The following ATP10B variants were observed in gnomAD, a reference collection of about 807,000 sequenced individuals.
ATP10B encodes the protein phospholipid-transporting ATPase VB.
Under a neutral mutation model 141.2 loss-of-function variants are expected in ATP10B, and 122 were observed. The observed-to-expected ratio is 0.86, with a 90% confidence interval of 0.75 to 1.00. The LOEUF is 1.00. ATP10B is among the 50% of genes least tolerant of loss of function. The pLI is 0.00. For synonymous variants in ATP10B, 685 were observed against 692.0 expected, an observed-to-expected ratio of 0.99 and a Z score of 0.16; for missense variants, 1,876 against 1,825.3, an observed-to-expected ratio of 1.03 and a Z score of -0.51.
the ATP10B span, among the ~76,000 whole-genome samples, chr5:160,861,477 G>A: frequency 7.2e-5 from 11 of 151,844 alleles, no homozygotes; most frequent in Non-Finnish European, 1.6e-4. Context: ...AATTTAAATA[G>A]ATACTTTATA....
intron 24 of ATP10B, among the ~76,000 whole-genome samples, chr5:160,587,905 C>T (rs1756019079): frequency 6.6e-6 from 1 of 152,188 alleles, no homozygotes; most frequent in Non-Finnish European, 1.5e-5. Flanking sequence ...ATGGCATGAT[C>T]TCGGCTCACT....
chr5:160,839,854 A>G (rs1775704838), intron 1 of ATP10B, among the ~76,000 whole-genome samples: 3 of 152,128 alleles, frequency 2.0e-5, no homozygotes, highest in African/African-American at 7.2e-5. Context: ...CATATTGGAC[A>G]AAGTAGAAAA....
chr5:160,906,100 A>G, the ATP10B span, among the ~76,000 whole-genome samples: 4 of 152,354 alleles, frequency 2.6e-5, no homozygotes, highest in South Asian at 8.3e-4. Flanking sequence ...TTGAACATCA[A>G]AAGCTGGGAA....
Position 160,826,783 on chromosome 5 carries a change from C to G in ATP10B, c.-576+25158G>C, listed in dbSNP as rs192680907. Reference sequence around the variant, plus strand: ...GTGGGGAAGTCTATAAACGGCCGCTCTAGGAGTGTCTGTCTGATACAGTTG... The same window carrying G: ...GTGGGGAAGTCTATAAACGGCCGCTGTAGGAGTGTCTGTCTGATACAGTTG... On this transcript the variant is annotated intron_variant, in intron 1 of 25. Coordinates refer to ENST00000327245, the MANE Select transcript of ATP10B (RefSeq NM_025153.3). Among the ~76,000 whole-genome samples the G allele has an allele frequency of 3.3e-4, 50 of 152,262 alleles. 1 individual carries two copies. Among genetic ancestry groups the G allele is most frequent in the African/African-American group, 1.2e-3 (50 of 41,550 alleles).
intron 2 of ATP10B, among the ~76,000 whole-genome samples, chr5:160,718,816 G>A (rs1452177235): frequency 6.6e-6 from 1 of 152,152 alleles, no homozygotes; most frequent in Non-Finnish European, 1.5e-5. Context: ...CTCCCATACT[G>A]CTACACTGGG....
At chr5:160,793,730 C>G (rs1020580677) in intron 1 of ATP10B, among the ~76,000 whole-genome samples, 9 of 152,206 alleles carry the variant, frequency 5.9e-5, no homozygotes, top group Admixed American at 2.6e-4. Flanking sequence ...ACCACTCATT[C>G]ACTGACTCAC....
rs139893910 is a variant in ATP10B, at chr5:160,563,595, C to T, written c.*1858G>A. The T allele has an allele frequency of 7.4e-4, 113 of 152,216 alleles. No homozygotes were observed. The highest frequency in any genetic ancestry group is 2.5e-3 in the African/African-American group (104 of 41,532). 9.4% of individuals were successfully genotyped at this position (152,216 alleles called of 1,614,324 possible). A position where few individuals can be genotyped will look rare whatever the true frequency, so the allele number is the denominator to read the frequency against. Reference sequence around the variant, plus strand: ...ACCACTGGGTTTCATGTAATTTTGACTTAATACCTATGTCAAGCCTGGGAA... The same window carrying T: ...ACCACTGGGTTTCATGTAATTTTGATTTAATACCTATGTCAAGCCTGGGAA... On this transcript the variant is annotated 3_prime_UTR_variant, in exon 26 of 26. Transcript: ENST00000327245.
chr5:160,911,116 C>A, the ATP10B span, among the ~76,000 whole-genome samples: 2 of 152,182 alleles, frequency 1.3e-5, no homozygotes, highest in East Asian at 3.8e-4. Context: ...CTGAAGCTGG[C>A]CAGTGGTAGA....
intron 7 of ATP10B, among the ~76,000 whole-genome samples, chr5:160,655,103 A>G (rs1284181526): frequency 6.6e-6 from 1 of 152,194 alleles, no homozygotes; most frequent in Non-Finnish European, 1.5e-5. Context: ...GGACTTAATG[A>G]ATGAATACAT....
intron 1 of ATP10B, among the ~76,000 whole-genome samples, chr5:160,832,468 T>C (rs1400138498): frequency 2.6e-5 from 4 of 152,084 alleles, no homozygotes; most frequent in Non-Finnish European, 2.9e-5. Context: ...AGAGAGAGTA[T>C]ATAGCAAGGT....
chr5:160,771,277 T>C (rs1769879791), intron 2 of ATP10B, among the ~76,000 whole-genome samples: 2 of 152,200 alleles, frequency 1.3e-5, no homozygotes, highest in South Asian at 2.1e-4. Flanking sequence ...AATGGTTAAG[T>C]GGCTTACACC....
chr5:160,775,637 A>G lies in ATP10B; in HGVS notation c.-331+9922T>C, dbSNP rs183073731. On this transcript the variant is annotated intron_variant, in intron 2 of 25. Transcript: ENST00000327245. ...CCAAGCTCCACCACTTACTAGCTAC[A>G]TGGGTTCAAGAACTCATTCTGCTTT... is the stretch of plus-strand genomic sequence containing the variant. Among the ~76,000 whole-genome samples, 114 of 149,604 alleles carry G rather than the reference A, an allele frequency of 7.6e-4. 1 individual carries two copies. Among genetic ancestry groups the G allele is most frequent in the African/African-American group, 2.7e-3 (109 of 40,636 alleles).
At chr5:160,919,101 G>A in the ATP10B span, among the ~76,000 whole-genome samples, 1 of 149,784 alleles carries the variant, frequency 6.7e-6, no homozygotes, top group Middle Eastern at 3.2e-3. Context: ...GCGCGCACCT[G>A]TAGTCCCAGC....
chr5:160,708,992 G>A (rs1318509215), intron 3 of ATP10B, among the ~76,000 whole-genome samples: 5 of 151,712 alleles, frequency 3.3e-5, no homozygotes, highest in Admixed American at 1.3e-4. Context: ...AGCTAGTTAC[G>A]TGACAGATAT....
chr5:160,666,271 C>T (rs1461500430), intron 7 of ATP10B, among the ~76,000 whole-genome samples: 1 of 152,104 alleles, frequency 6.6e-6, no homozygotes, highest in Non-Finnish European at 1.5e-5. Flanking sequence ...CAAGTCCCTA[C>T]TCAGTCCTAG....
At chr5:160,815,919 A>C (rs574777572) in intron 1 of ATP10B, among the ~76,000 whole-genome samples, 1 of 152,284 alleles carries the variant, frequency 6.6e-6, no homozygotes, top group East Asian at 1.9e-4. Context: ...ACTACTGGGT[A>C]CATAACGAAA....
chr5:160,661,116 G>A (rs1201601377), intron 7 of ATP10B, among the ~76,000 whole-genome samples: 1 of 152,118 alleles, frequency 6.6e-6, no homozygotes, highest in Non-Finnish European at 1.5e-5. Context: ...AACCTAGGAG[G>A]CAGAAGTTGT....
chr5:160,690,367 A>G (rs1764006051), intron 3 of ATP10B, among the ~76,000 whole-genome samples: 3 of 151,974 alleles, frequency 2.0e-5, no homozygotes, highest in South Asian at 4.1e-4. Flanking sequence ...GGATCTAATT[A>G]AACTAAAGAG....
chr5:160,714,704 T>C (rs1390596460), intron 3 of ATP10B, among the ~76,000 whole-genome samples: 23 of 108,436 alleles, frequency 2.1e-4, no homozygotes, highest in African/African-American at 7.9e-4. Flanking sequence ...CGTTTTAGAG[T>C]TTCCAGTTTT....
Sources: gnomAD v4.1 joint callset for allele counts (sites outside exome capture counted in the v4.1 genomes callset) on GRCh38, gnomAD v4.1.1 for gene constraint, MANE v1.5 for transcripts, NCBI Gene and HGNC (gene_info 2026-07-23, HGNC 2026-07-21) for gene names.